UST: variants seen among roughly 807,000 people sequenced by gnomAD.
UST encodes chondroitin sulfate 2-O-sulfotransferase.
UST carries 21 observed loss-of-function variants against 45.6 expected under a neutral mutation model. The observed-to-expected ratio is 0.46, with a 90% confidence interval of 0.33 to 0.66. UST has a LOEUF of 0.66. Ranked by LOEUF, UST falls within the 30% of genes least tolerant of loss-of-function variation. The pLI is 0.02. For synonymous variants in UST, 215 were observed against 200.6 expected, an observed-to-expected ratio of 1.07 and a Z score of -0.61; for missense variants, 463 against 512.4, an observed-to-expected ratio of 0.90 and a Z score of 0.93.
At chr6:148,885,212 C>T (rs982300904) in intron 1 of UST, among the ~76,000 whole-genome samples, 3 of 152,090 alleles carry the variant, frequency 2.0e-5, no homozygotes, top group African/African-American at 4.8e-5. Flanking sequence ...AGGCTGTCTT[C>T]GATCCTTGAG....
intron 1 of UST, among the ~76,000 whole-genome samples, chr6:148,770,278 G>A (rs1368163194): frequency 6.6e-6 from 1 of 151,318 alleles, no homozygotes; most frequent in East Asian, 1.9e-4. Flanking sequence ...GGTGACACTT[G>A]AGCTGGGCAT....
At chr6:148,826,444 A>T (rs988413791) in intron 1 of UST, among the ~76,000 whole-genome samples, 4 of 143,852 alleles carry the variant, frequency 2.8e-5, no homozygotes, top group East Asian at 2.0e-4. Flanking sequence ...TTTTTTTTTT[A>T]AATGAATTAA....
At chr6:149,058,377 GTGTGTGTGTGTA>G (rs1193766155) in intron 7 of UST, among the ~76,000 whole-genome samples, 17 of 151,716 alleles carry the variant, frequency 1.1e-4, no homozygotes, top group African/African-American at 4.1e-4. Flanking sequence ...GTGTGTGTGT[GTGTGTGTGTGTA>G]TGTGCGCGCG....
chr6:149,066,451 G>T (rs992469864), intron 7 of UST, among the ~76,000 whole-genome samples: 6 of 152,050 alleles, frequency 3.9e-5, no homozygotes, highest in Non-Finnish European at 1.5e-5. Flanking sequence ...TGAAGAAGAG[G>T]GGGTGGATGA....
intron 2 of UST, among the ~76,000 whole-genome samples, chr6:148,888,855 C>G (rs1778959297): frequency 6.6e-6 from 1 of 152,140 alleles, no homozygotes; most frequent in African/African-American, 2.4e-5. Context: ...TCTAGAGGAG[C>G]AAAGGAATAT....
chr6:149,055,041 A>G, intron 7 of UST, among the ~76,000 whole-genome samples: 1 of 152,036 alleles, frequency 6.6e-6, no homozygotes, highest in East Asian at 2.0e-4. Flanking sequence ...AATCCTTTAC[A>G]CTTCGAGCTG....
intron 1 of UST, among the ~76,000 whole-genome samples, chr6:148,877,300 G>A (rs1285546018): frequency 1.1e-5 from 1 of 89,276 alleles, no homozygotes; most frequent in Non-Finnish European, 2.3e-5. Context: ...TGAGTGCGGG[G>A]GGTCGTGTAT....
At chr6:148,849,149 C>T (rs990067578) in intron 1 of UST, among the ~76,000 whole-genome samples, 1 of 152,154 alleles carries the variant, frequency 6.6e-6, no homozygotes, top group African/African-American at 2.4e-5. Context: ...TCAGTCCACC[C>T]ACTTACATGC....
intron 1 of UST, among the ~76,000 whole-genome samples, chr6:148,871,352 C>G (rs2114816648): frequency 6.6e-6 from 1 of 152,234 alleles, no homozygotes; most frequent in South Asian, 2.1e-4. Flanking sequence ...GCAGTCCAAA[C>G]TAAGACTGTA....
At chr6:149,005,983 TG>T (rs1222060277) in intron 5 of UST, among the ~76,000 whole-genome samples, 1 of 152,224 alleles carries the variant, frequency 6.6e-6, no homozygotes, top group Non-Finnish European at 1.5e-5. Flanking sequence ...GTCCCCACTG[TG>T]GCCAAAGAGG....
intron 7 of UST, among the ~76,000 whole-genome samples, chr6:149,025,848 T>TA (rs1399512870): frequency 2.6e-5 from 4 of 151,388 alleles, no homozygotes; most frequent in Admixed American, 1.3e-4. Context: ...TCGTCTCTAC[T>TA]AAAAATACAA....
chr6:149,022,588 G>A (rs187053662), intron 7 of UST, among the ~76,000 whole-genome samples: 12 of 152,200 alleles, frequency 7.9e-5, no homozygotes, highest in East Asian at 3.9e-4. Context: ...CGACAAGAGC[G>A]AAACTTCATC....
In UST at chr6:149,076,955, A is replaced by G. The variant is rs984137029; in HGVS notation, c.*2839A>G. 1 of 152,276 alleles carries G rather than the reference A, an allele frequency of 6.6e-6. No individual in the cohort carries two copies. The highest frequency in any genetic ancestry group is 2.4e-5 in the African/African-American group (1 of 41,358). 9.4% of individuals were successfully genotyped at this position (152,276 alleles called of 1,614,324 possible). On this transcript the variant is annotated 3_prime_UTR_variant, in exon 8 of 8. Coordinates refer to ENST00000367463, the MANE Select transcript of UST (RefSeq NM_005715.3). ...TCAAAAATATATATGGAACTGAAAC[A>G]TTAACTTAGCTAAAATAAAAGCAAT...
chr6:148,941,258 T>C, intron 2 of UST, 21 bp from the exon 3 acceptor site: 1 of 1,612,880 alleles, frequency 6.2e-7, no homozygotes, highest in Non-Finnish European at 8.5e-7. Context: ...TTCATGTTTG[T>C]TCTCTTGGTT....
At chr6:148,977,527 G>A (rs528447207) in intron 5 of UST, among the ~76,000 whole-genome samples, 6 of 151,948 alleles carry the variant, frequency 3.9e-5, no homozygotes, top group East Asian at 1.9e-4. Flanking sequence ...CAGGGCGGGC[G>A]GATCATGAGG....
intron 7 of UST, among the ~76,000 whole-genome samples, chr6:149,034,645 G>C (rs1293068727): frequency 6.6e-6 from 1 of 151,768 alleles, no homozygotes; most frequent in Non-Finnish European, 1.5e-5. Context: ...TTCTCAGTTG[G>C]GTCCAGTTTT....
chr6:148,914,248 T>C (rs1249706096), intron 2 of UST, among the ~76,000 whole-genome samples: 3 of 152,346 alleles, frequency 2.0e-5, no homozygotes, highest in Middle Eastern at 3.4e-3. Flanking sequence ...TAACTTTAAG[T>C]ATAGTCTTAA....
At chr6:148,951,712 G>A (rs1780368713) in intron 3 of UST, among the ~76,000 whole-genome samples, 1 of 152,230 alleles carries the variant, frequency 6.6e-6, no homozygotes, top group Non-Finnish European at 1.5e-5. Context: ...GAAAGTCTTA[G>A]AATTTGTGAA....
intron 4 of UST, among the ~76,000 whole-genome samples, chr6:148,958,555 C>T (rs2114949192): frequency 6.6e-6 from 1 of 152,298 alleles, no homozygotes; most frequent in African/African-American, 2.4e-5. Context: ...TTAATATTTG[C>T]ATACTATGGT....
Sources: gnomAD v4.1 joint callset for allele counts (sites outside exome capture counted in the v4.1 genomes callset) on GRCh38, gnomAD v4.1.1 for gene constraint, MANE v1.5 for transcripts, NCBI Gene and HGNC (gene_info 2026-07-23, HGNC 2026-07-21) for gene names.